TMEM114: variants seen among roughly 807,000 people sequenced by gnomAD.
TMEM114 encodes the protein claudin-26.
In TMEM114, 6 loss-of-function variants were observed where a neutral mutation model predicts 6.2. That is an observed-to-expected ratio of 0.97 (90% CI 0.53 to 1.91). TMEM114 has a LOEUF of 1.91. Ranked by LOEUF, TMEM114 falls within the 40% of genes most tolerant of loss-of-function variation. TMEM114 has a pLI of 0.01. For missense variants in TMEM114, 218 were observed against 158.3 expected (o/e 1.38, Z -2.02); for synonymous variants, 104 against 73.0 (o/e 1.42, Z -2.16).
At chr16:8,559,993 C>G (rs1377646176) in intron 2 of TMEM114, among the ~76,000 whole-genome samples, 3 of 151,948 alleles carry the variant, frequency 2.0e-5, no homozygotes, top group Non-Finnish European at 4.4e-5. Flanking sequence ...GGCTAATGAT[C>G]TTGTTGTGGT....
At chr16:8,583,267 C>T (rs1902214675) in intron 2 of TMEM114, among the ~76,000 whole-genome samples, 3 of 152,126 alleles carry the variant, frequency 2.0e-5, no homozygotes, top group Admixed American at 1.3e-4. Context: ...GGTGGGTCTG[C>T]GATGATTAGC....
chr16:8,568,221 T>C (rs551687940), downstream of TMEM114, among the ~76,000 whole-genome samples: 7 of 152,288 alleles, frequency 4.6e-5, no homozygotes, highest in Middle Eastern at 3.4e-3. Context: ...TATGCCTCTC[T>C]CTCCTCAATC....
At chr16:8,578,137 C>G (rs780623970) in intron 2 of TMEM114, among the ~76,000 whole-genome samples, 1 of 151,946 alleles carries the variant, frequency 6.6e-6, no homozygotes, top group African/African-American at 2.4e-5. Context: ...TGGGCAGTGG[C>G]GGTGGGGGGG....
At chr16:8,581,163 G>T (rs753339849) in intron 2 of TMEM114, among the ~76,000 whole-genome samples, 1 of 152,120 alleles carries the variant, frequency 6.6e-6, no homozygotes, top group Non-Finnish European at 1.5e-5. Flanking sequence ...GTTTCTTTGA[G>T]GGGGGATAAT....
the TMEM114 span, among the ~76,000 whole-genome samples, chr16:8,526,950 G>A: frequency 6.6e-6 from 1 of 152,220 alleles, no homozygotes. Context: ...GCTCGTGCCT[G>A]TAATCCCAGC....
chr16:8,537,441 C>T (rs916890055), downstream of TMEM114, among the ~76,000 whole-genome samples: 1 of 152,126 alleles, frequency 6.6e-6, no homozygotes, highest in Admixed American at 6.5e-5. Context: ...GCAGAGGTTT[C>T]AGTGAGCCAA....
At chr16:8,563,099 G>C (rs1344793026) in intron 2 of TMEM114, among the ~76,000 whole-genome samples, 4 of 151,546 alleles carry the variant, frequency 2.6e-5, no homozygotes, top group East Asian at 1.9e-4. Flanking sequence ...GTGAGGGAGG[G>C]AGGGAATGAG....
chr16:8,558,907 A>ATTT lies in TMEM114; in HGVS notation n.213-21084_213-21082dup, dbSNP rs556739377. On this transcript the variant is annotated intron_variant and non_coding_transcript_variant, in intron 2 of 2. Transcript: ENST00000623677. ...AGGCACGTGCCACCATGCCCAGCTAATTTTTTTTTGTATTTTTAGTAGAGA... is the reference window on the plus strand; with the variant it reads ...AGGCACGTGCCACCATGCCCAGCTAATTTTTTTTTTTTGTATTTTTAGTAGAGA... Among the ~76,000 whole-genome samples the ATTT allele has an allele frequency of 3.0e-3, 454 of 149,448 alleles. 2 individuals are homozygous for ATTT. Among genetic ancestry groups the ATTT allele is most frequent in the Non-Finnish European group, 3.8e-3 (255 of 67,422 alleles).
At chr16:8,557,159 A>C (rs994719859) in intron 2 of TMEM114, among the ~76,000 whole-genome samples, 43 of 152,172 alleles carry the variant, frequency 2.8e-4, no homozygotes, top group African/African-American at 1.0e-3. Context: ...TCTCCCAGGG[A>C]GGTTGAGGTC....
the TMEM114 span, among the ~76,000 whole-genome samples, chr16:8,527,818 G>A: frequency 3.2e-4 from 48 of 152,170 alleles, no homozygotes; most frequent in Admixed American, 1.3e-3. Flanking sequence ...AGGATGTGGA[G>A]TTTGGGTCTG....
chr16:8,567,207 C>G (rs1272116015), downstream of TMEM114, among the ~76,000 whole-genome samples: 1 of 152,062 alleles, frequency 6.6e-6, no homozygotes, highest in East Asian at 1.9e-4. Context: ...TGGCGCCCGG[C>G]CTCATCACCC....
intron 2 of TMEM114, among the ~76,000 whole-genome samples, chr16:8,542,822 C>A (rs1024550553): frequency 6.6e-5 from 10 of 152,160 alleles, no homozygotes; most frequent in East Asian, 5.8e-4. Context: ...CCCAGCTCTT[C>A]CCCACATCCT....
chr16:8,553,063 CT>C (rs1449418152), intron 2 of TMEM114, among the ~76,000 whole-genome samples: 1 of 152,222 alleles, frequency 6.6e-6, no homozygotes, highest in African/African-American at 2.4e-5. Context: ...TTTCTTCCGA[CT>C]TCTCATCCTC....
In TMEM114 at chr16:8,589,278, G is replaced by C; in HGVS notation, c.236C>G (p.Thr79Arg). ...CAGCCTGAAGGGGTTCATCAGCGGT[G>C]TGCACGGGCTCTGCACTGGATAGGA... is the stretch of plus-strand genomic sequence containing the variant. ...WRTCRVQSPC[T>R]PLMNPFRLEN... Residue 79 changes from threonine to arginine, a missense_variant, in exon 2 of 4, where the codon ACA becomes AGA. By Grantham distance (71) the Thr-to-Arg change is moderately conservative (BLOSUM62 -1). Transcript: ENST00000620492. 1 of 398,826 alleles carries C rather than the reference G, an allele frequency of 2.5e-6. No homozygotes were observed. The highest frequency in any genetic ancestry group is 1.3e-4 in the South Asian group (1 of 7,864). 24.7% of individuals were successfully genotyped at this position (398,826 alleles called of 1,614,324 possible).
At chr16:8,553,711 G>A (rs1279836571) in intron 2 of TMEM114, among the ~76,000 whole-genome samples, 3 of 152,010 alleles carry the variant, frequency 2.0e-5, no homozygotes, top group African/African-American at 7.3e-5. Flanking sequence ...TTGATCTCCT[G>A]ACCTCATGGT....
At chr16:8,559,521 G>T (rs1271953410) in intron 2 of TMEM114, among the ~76,000 whole-genome samples, 1 of 152,192 alleles carries the variant, frequency 6.6e-6, no homozygotes, top group East Asian at 1.9e-4. Flanking sequence ...GGTGCAGGAG[G>T]GAGCAAACTC....
Position 8,569,768 on chromosome 16 carries a change from C to A in TMEM114, c.*5G>T, listed in dbSNP as rs1384416286. 2.6e-6 allele frequency: 4 copies of A among 1,547,754 alleles called. No individual in the cohort carries two copies. The highest frequency in any genetic ancestry group is 1.4e-5 in the African/African-American group (1 of 73,114). On this transcript the variant is annotated 3_prime_UTR_variant, in exon 4 of 4. Coordinates refer to ENST00000620492, the MANE Select transcript of TMEM114 (RefSeq NM_001146336.2). The stretch of plus-strand genomic sequence containing the variant: ...TCCCTCCCCTCCACGACCCAGCGCC[C>A]AGGCTCATATGGCCTGGTCCTGCCT...
At chr16:8,548,843 A>T (rs1486114591) in intron 2 of TMEM114, among the ~76,000 whole-genome samples, 2 of 152,168 alleles carry the variant, frequency 1.3e-5, no homozygotes, top group Non-Finnish European at 2.9e-5. Context: ...CTTCCAATTT[A>T]ATAAAGGGAG....
At chr16:8,551,342 A>T (rs758581518) in intron 2 of TMEM114, among the ~76,000 whole-genome samples, 7 of 152,214 alleles carry the variant, frequency 4.6e-5, no homozygotes, top group Non-Finnish European at 1.0e-4. Context: ...TTTGAATCCA[A>T]GCTCCAGCCC....
Sources: allele counts gnomAD v4.1 joint callset (sites outside exome capture counted in the v4.1 genomes callset), GRCh38; gene constraint gnomAD v4.1.1; transcripts MANE v1.5; gene names NCBI Gene and HGNC (gene_info 2026-07-23, HGNC 2026-07-21).